Variants in LRRTM4 observed in about 807,000 individuals in gnomAD.
LRRTM4 encodes the protein leucine-rich repeat transmembrane neuronal protein 4.
In LRRTM4, 25 loss-of-function variants were observed where a neutral mutation model predicts 47.6. The ratio of observed to expected loss-of-function variants is 0.53; its 90% confidence interval spans 0.38 to 0.73. The LOEUF (loss-of-function observed/expected upper bound fraction) is 0.73. LRRTM4 is among the 30% of genes least tolerant of loss of function. The probability of loss-of-function intolerance (pLI) is 0.00; values close to 1 mark genes in which losing one functional copy is unlikely to be tolerated. For synonymous variants in LRRTM4, 311 were observed against 269.5 expected (o/e 1.15, Z -1.51); for missense variants, 638 against 713.4 (o/e 0.89, Z 1.20).
At chr2:77,379,707 T>C (rs1672980272) in intron 3 of LRRTM4, among the ~76,000 whole-genome samples, 1 of 152,142 alleles carries the variant, frequency 6.6e-6, no homozygotes, top group African/African-American at 2.4e-5. Flanking sequence ...AAATTCTGTT[T>C]TGTTTTGTTT....
At chr2:77,358,393 T>C (rs958319185) in intron 3 of LRRTM4, among the ~76,000 whole-genome samples, 3 of 152,020 alleles carry the variant, frequency 2.0e-5, no homozygotes, top group African/African-American at 7.3e-5. Flanking sequence ...CTTCCTGCCA[T>C]CCGCAACCAA....
chr2:76,994,229 T>C (rs1405639862), intron 3 of LRRTM4, among the ~76,000 whole-genome samples: 1 of 151,872 alleles, frequency 6.6e-6, no homozygotes, highest in African/African-American at 2.4e-5. Flanking sequence ...TATACACACG[T>C]AACAAACCTG....
At chr2:77,199,188 T>A (rs1284697106) in intron 3 of LRRTM4, among the ~76,000 whole-genome samples, 1 of 152,154 alleles carries the variant, frequency 6.6e-6, no homozygotes, top group Non-Finnish European at 1.5e-5. Context: ...AAACACAGAC[T>A]TCAATCTTAA....
At chr2:77,082,479 C>G (rs1277235425) in intron 3 of LRRTM4, among the ~76,000 whole-genome samples, 1 of 151,974 alleles carries the variant, frequency 6.6e-6, no homozygotes, top group Non-Finnish European at 1.5e-5. Context: ...TGTACAACTT[C>G]TGCTGTTGAG....
Position 77,014,503 on chromosome 2 carries a change from C to CATATATATAT in LRRTM4, c.1552-265597_1552-265588dup, listed in dbSNP as rs71381251. ...TGCAGAAGAAGCATTTGTGCCCTTT[C>CATATATATAT]ATATATATATATATAAAGATTTTAT... On this transcript the variant is annotated intron_variant, in intron 3 of 3. Coordinates refer to ENST00000409884, the MANE Select transcript of LRRTM4 (RefSeq NM_001134745.3). 4.2e-4 allele frequency among the ~76,000 whole-genome samples: 59 copies of CATATATATAT among 139,150 alleles called. 2 individuals are homozygous for CATATATATAT. The highest frequency in any genetic ancestry group is 3.9e-3 in the South Asian group (16 of 4,122). 91.3% of individuals were successfully genotyped at this position (139,150 alleles called of 152,430 possible). A position where few individuals can be genotyped will look rare whatever the true frequency, so the allele number is the denominator to read the frequency against.
At chr2:77,088,916 CCTTCT>C (rs890178865) in intron 3 of LRRTM4, among the ~76,000 whole-genome samples, 27 of 152,060 alleles carry the variant, frequency 1.8e-4, no homozygotes, top group African/African-American at 6.5e-4. Context: ...TCAATCTCTC[CCTTCT>C]CTTAATTTCA....
intron 3 of LRRTM4, among the ~76,000 whole-genome samples, chr2:77,033,690 G>C (rs1031766237): frequency 5.3e-5 from 8 of 151,798 alleles, no homozygotes; most frequent in Non-Finnish European, 8.8e-5. Flanking sequence ...TCAACATAGA[G>C]CTAAGATTTG....
At chr2:76,897,670 G>A (rs892543501) in intron 3 of LRRTM4, among the ~76,000 whole-genome samples, 9 of 152,086 alleles carry the variant, frequency 5.9e-5, no homozygotes, top group African/African-American at 2.2e-4. Context: ...CAACTAAAAG[G>A]TAATACACTT....
In LRRTM4 at chr2:77,518,512, T is replaced by G. The variant is rs370244918; in HGVS notation, c.1357A>C (p.Ser453Arg). 5.6e-6 allele frequency: 9 copies of G among 1,613,344 alleles called. No individual in the cohort carries two copies. In the African/African-American group the frequency reaches 1.2e-4, roughly 22 times the overall value. ...GAGTGTTGCTGGAGTTGTTTCATGCTGGCTGGGTAGCGTTTCCAAGACACA... is the reference window on the plus strand; with the variant it reads ...GAGTGTTGCTGGAGTTGTTTCATGCGGGCTGGGTAGCGTTTCCAAGACACA... ...IYVSWKRYPA[S>R]MKQLQQHSLM... Residue 453 changes from serine (S) to arginine (R), a missense_variant, in exon 3 of 4, where the codon AGC (serine) becomes CGC (arginine). By Grantham distance (110) the Ser-to-Arg change is moderately radical (BLOSUM62 -1). Coordinates refer to ENST00000409884, the MANE Select transcript of LRRTM4 (RefSeq NM_001134745.3).
rs1200705518 is a variant in LRRTM4 at position 76,807,457 on chromosome 2, TAC to T, written c.1552-58543_1552-58542del. ...ATATACGTATATACATATATATATATACATATATATATACATATATATATATA... is the reference window on the plus strand; with the variant it reads ...ATATACGTATATACATATATATATATATATATATATACATATATATATATA... On this transcript the variant is annotated intron_variant, in intron 3 of 3. Transcript: ENST00000409884. Among the ~76,000 whole-genome samples, 257 of 94,162 alleles carry T rather than the reference TAC, an allele frequency of 2.7e-3. 2 individuals are homozygous for T. Among genetic ancestry groups the T allele is most frequent in the African/African-American group, 8.8e-3 (198 of 22,562 alleles). The allele number at this position is 94,162 out of a possible 152,430, so 61.8% of individuals were successfully genotyped here.
At chr2:77,053,166 T>C (rs949917964) in intron 3 of LRRTM4, among the ~76,000 whole-genome samples, 2 of 152,158 alleles carry the variant, frequency 1.3e-5, no homozygotes, top group African/African-American at 4.8e-5. Context: ...TAAGGCAGAA[T>C]TCAGATACAG....
At chr2:76,776,077 G>A (rs1454438598) in intron 3 of LRRTM4, among the ~76,000 whole-genome samples, 1 of 152,036 alleles carries the variant, frequency 6.6e-6, no homozygotes, top group Non-Finnish European at 1.5e-5. Flanking sequence ...TCCCTACAAA[G>A]GACATGAACT....
At chr2:76,861,392 A>C (rs1013527809) in intron 3 of LRRTM4, among the ~76,000 whole-genome samples, 1 of 151,978 alleles carries the variant, frequency 6.6e-6, no homozygotes, top group African/African-American at 2.4e-5. Flanking sequence ...TTTTTCCCAT[A>C]TCTAACTATA....
chr2:77,451,094 T>C (rs1373983038), intron 3 of LRRTM4, among the ~76,000 whole-genome samples: 2 of 152,188 alleles, frequency 1.3e-5, no homozygotes, highest in East Asian at 1.9e-4. Context: ...TAAGTCTTAT[T>C]ATTCAATTCC....
intron 3 of LRRTM4, among the ~76,000 whole-genome samples, chr2:77,084,278 T>C (rs1680635828): frequency 6.6e-6 from 1 of 152,182 alleles, no homozygotes; most frequent in African/African-American, 2.4e-5. Flanking sequence ...ATATGGGATG[T>C]GATGGCTAGG....
At chr2:77,082,038 CTA>C (rs1680550593) in intron 3 of LRRTM4, among the ~76,000 whole-genome samples, 2 of 152,098 alleles carry the variant, frequency 1.3e-5, no homozygotes, top group African/African-American at 4.8e-5. Flanking sequence ...AGTTTAGTAG[CTA>C]TATGTTATAC....
intron 3 of LRRTM4, among the ~76,000 whole-genome samples, chr2:77,513,949 T>C (rs1018168461): frequency 1.3e-5 from 2 of 152,132 alleles, no homozygotes; most frequent in Non-Finnish European, 2.9e-5. Flanking sequence ...TTTTAACAAA[T>C]ATTTGTTACT....
chr2:77,235,096 T>C (rs1675067741), intron 3 of LRRTM4, among the ~76,000 whole-genome samples: 1 of 152,188 alleles, frequency 6.6e-6, no homozygotes, highest in Non-Finnish European at 1.5e-5. Context: ...CATTCTATGG[T>C]GGATATGTAC....
At chr2:77,090,241 C>A (rs1428574169) in intron 3 of LRRTM4, among the ~76,000 whole-genome samples, 1 of 152,172 alleles carries the variant, frequency 6.6e-6, no homozygotes, top group African/African-American at 2.4e-5. Context: ...AAGGCATAGT[C>A]AAGGTTAATG....
Sources: allele counts gnomAD v4.1 joint callset (sites outside exome capture counted in the v4.1 genomes callset), GRCh38; gene constraint gnomAD v4.1.1; transcripts MANE v1.5; gene names NCBI Gene and HGNC (gene_info 2026-07-23, HGNC 2026-07-21).